KIF4A: variants seen among roughly 807,000 people sequenced by gnomAD.
KIF4A encodes kinesin family member 4A.
Under a neutral mutation model 105.9 loss-of-function variants are expected in KIF4A, and 7 were observed. The observed-to-expected ratio is 0.07, with a 90% CI of 0.04 to 0.12. The LOEUF is 0.12. KIF4A is among the 10% of genes least tolerant of loss of function. The pLI is 1.00. For missense variants in KIF4A, 558 were observed against 929.2 expected, an observed-to-expected ratio of 0.60 and a Z score of 5.19; for synonymous variants, 281 against 331.3, an observed-to-expected ratio of 0.85 and a Z score of 1.65.
Position 70,406,939 on chromosome X carries a change from A to G in KIF4A, c.3119A>G (p.Asp1040Gly). Residue 1040 changes from aspartate (D) to glycine (G), a missense_variant, in exon 28 of 31, where the codon GAC becomes GGC. Physicochemically the swap from Asp to Gly is moderately conservative, Grantham distance 94. This residue lies in a region of KIF4A where 469 missense variants were observed against 680.4 expected (regional missense o/e 0.69). Transcript: ENST00000374403. ...GAAAAGTTCCTGGAGCAAAGCATGG[A>G]CATCGAGGATCTAAAATATTGTTCA... ...VKEKFLEQSM[D>G]IEDLKYCSEH... The G allele has an allele frequency of 8.3e-7, 1 of 1,211,890 alleles. No homozygotes were observed. Among genetic ancestry groups the G allele is most frequent in the Non-Finnish European group, 1.1e-6 (1 of 895,586 alleles).
At chrX:70,339,235 A>G in intron 10 of KIF4A, among the ~76,000 whole-genome samples, 1 of 111,282 alleles carries the variant, frequency 9.0e-6, no homozygotes, top group Non-Finnish European at 1.9e-5. Context: ...TCAATTATTC[A>G]TTTTTTTCTG....
chrX:70,375,874 C>T (rs1287729970), intron 17 of KIF4A, among the ~76,000 whole-genome samples: 2 of 111,580 alleles, frequency 1.8e-5, no homozygotes, highest in Non-Finnish European at 3.8e-5. Context: ...CTTGTAGGTA[C>T]ATTTTTATTT....
chrX:70,402,427 A>G, intron 22 of KIF4A, 139 bp from the exon 23 acceptor site: 1 of 740,138 alleles, frequency 1.4e-6, no homozygotes, highest in Non-Finnish European at 1.9e-6. Flanking sequence ...AATCCTAACC[A>G]GATGACTTAA....
chrX:70,375,177 C>T (rs1200710286), intron 16 of KIF4A, 27 bp from the exon 17 acceptor site: 1 of 1,204,897 alleles, frequency 8.3e-7, no homozygotes, highest in Admixed American at 2.2e-5. Flanking sequence ...TGCTGGTAGT[C>T]CTCACTTCTA....
rs759945460 is a variant in KIF4A, at chrX:70,405,853, A to G, written c.2924A>G (p.Glu975Gly). 2.5e-6 allele frequency: 3 copies of G among 1,208,686 alleles called. No homozygotes were observed. Among genetic ancestry groups the G allele is most frequent in the Non-Finnish European group, 3.4e-6 (3 of 892,997 alleles). ...GATGAAGAACTTGAGAAAATGCGAG[A>G]AGTGTGTGAGCAAAATCAGCAGCTT... is the stretch of plus-strand genomic sequence containing the variant. ...CQDEELEKMREVCEQNQQLLR... is the reference protein window; with the variant it reads ...CQDEELEKMRGVCEQNQQLLR... Residue 975 changes from glutamate (E) to glycine (G), a missense_variant, in exon 26 of 31, where the codon GAA becomes GGA. Transcript: ENST00000374403.
intron 13 of KIF4A, among the ~76,000 whole-genome samples, chrX:70,344,586 A>G (rs2085984738): frequency 9.0e-6 from 1 of 110,820 alleles, no homozygotes; most frequent in African/African-American, 3.3e-5. Context: ...CTTAGTCCTT[A>G]GGCATATATG....
intron 18 of KIF4A, among the ~76,000 whole-genome samples, chrX:70,384,015 C>T (rs746904351): frequency 8.9e-6 from 1 of 111,889 alleles, no homozygotes; most frequent in South Asian, 3.7e-4. Flanking sequence ...GCCATTGAAT[C>T]ATGTACTTTA....
Position 70,419,787 on chromosome X carries a change from G to C in KIF4A, c.3495+4G>C. 1 of 1,211,249 alleles carries C rather than the reference G, an allele frequency of 8.3e-7. No individual in the cohort carries two copies. Among genetic ancestry groups the C allele is most frequent in the South Asian group, 1.8e-5 (1 of 56,936 alleles). On this transcript the variant is annotated splice_donor_region_variant and intron_variant, in intron 30 of 30. Coordinates refer to ENST00000374403, the MANE Select transcript of KIF4A (RefSeq NM_012310.5). ...CTGTGCCACCCCCAATAGCAAGGTA[G>C]GTGGGCTAAAAGGCAGGCATTGGAA...
rs759415773 is a variant in KIF4A at position 70,301,559 on chromosome X, A to G, written c.517-341A>G. On this transcript the variant is annotated intron_variant, in intron 5 of 30. Coordinates refer to ENST00000374403, the MANE Select transcript of KIF4A (RefSeq NM_012310.5). Reference sequence around the variant, plus strand: ...GGTGAAAGTAACAAAGAGAAATGCCATCGCTGTTTGTGTTGTACTTGCTCT... The same window carrying G: ...GGTGAAAGTAACAAAGAGAAATGCCGTCGCTGTTTGTGTTGTACTTGCTCT... Among the ~76,000 whole-genome samples the G allele has an allele frequency of 3.6e-5, 4 of 111,796 alleles. No individual in the cohort carries two copies. The Admixed American group carries it at 3.8e-4, about 11-fold the overall frequency.
chrX:70,294,933 G>C (rs1175651372), intron 3 of KIF4A, among the ~76,000 whole-genome samples: 1 of 111,514 alleles, frequency 9.0e-6, no homozygotes, highest in Admixed American at 9.5e-5. Flanking sequence ...AATTAGCTGG[G>C]CATAGTGGCG....
In KIF4A at chrX:70,343,883, A is replaced by G. The variant is rs2085981613; in HGVS notation, c.1332A>G (p.Lys444=). 2 of 1,209,752 alleles carry G rather than the reference A, an allele frequency of 1.7e-6. No homozygotes were observed. Among genetic ancestry groups the G allele is most frequent in the Non-Finnish European group, 2.2e-6 (2 of 893,739 alleles). The change falls in exon 13 of 31, where the codon AAA becomes AAG. Residue 444 remains lysine, a synonymous_variant. Coordinates refer to ENST00000374403, the MANE Select transcript of KIF4A (RefSeq NM_012310.5). ...TTTTTGTTTGAATTTTCAGCTGCAA[A>G]CTGGATCTTCAAAAGCTAGTGGAGA... The part of the protein sequence containing the change: ...LEELRQHAAC[K]LDLQKLVETL...
At position 70,420,416 on chromosome X, in the gene KIF4A, T is replaced by C. The variant is rs770148584; in HGVS notation, c.*151T>C. On this transcript the variant is annotated 3_prime_UTR_variant, in exon 31 of 31. Transcript: ENST00000374403. ...GTTACTGAAAAGAAGGTAACCTTTG[T>C]TGGATGTGGGCCTTAGCCTCCAGGT... 49 of 820,973 alleles carry C rather than the reference T, an allele frequency of 6.0e-5. No homozygotes were observed. The highest frequency in any genetic ancestry group is 8.1e-5 in the Non-Finnish European group (48 of 593,802). The allele number at this position is 820,973 out of a possible 1,213,427, so 67.7% of individuals were successfully genotyped here. A position where few individuals can be genotyped will look rare whatever the true frequency, so the allele number is the denominator to read the frequency against.
At position 70,302,194 on chromosome X, in the gene KIF4A, G is replaced by T. The variant is rs1193477257; in HGVS notation, c.684-110G>T. ...ATTGTGAGCACGAGTGACTAATGGA[G>T]CCATTTTGACTGACTTGAAAGAAAA... On this transcript the variant is annotated intron_variant, in intron 6 of 30. Coordinates refer to ENST00000374403, the MANE Select transcript of KIF4A (RefSeq NM_012310.5). The T allele has an allele frequency of 6.5e-6, 7 of 1,080,279 alleles. No homozygotes were observed. In the East Asian group the frequency reaches 2.2e-4, roughly 34 times the overall value. The allele number at this position is 1,080,279 out of a possible 1,213,427, so 89.0% of individuals were successfully genotyped here.
chrX:70,330,279 C>T lies in KIF4A; in HGVS notation c.1018C>T (p.Pro340Ser). 8.3e-7 allele frequency: 1 copy of T among 1,210,958 alleles called. No individual in the cohort carries two copies. The highest frequency in any genetic ancestry group is 1.1e-6 in the Non-Finnish European group (1 of 894,903). The change falls in exon 9 of 31, where the codon CCT becomes TCT. Residue 340 changes from proline to serine, a missense_variant. Around this residue, in one of 2 missense-constraint regions of KIF4A, gnomAD observed 469 missense variants for 680.4 expected, o/e 0.69. Coordinates refer to ENST00000374403, the MANE Select transcript of KIF4A (RefSeq NM_012310.5). ...ADRARKIKNKPIVNIDPQTAE... is the reference protein window; with the variant it reads ...ADRARKIKNKSIVNIDPQTAE... ...CAGAGCAAGAAAAATCAAGAACAAA[C>T]CTATTGTTAATATTGATCCCCAGAC... is the stretch of plus-strand genomic sequence containing the variant.
intron 5 of KIF4A, among the ~76,000 whole-genome samples, chrX:70,300,403 C>G (rs1223137444): frequency 9.0e-6 from 1 of 111,554 alleles, no homozygotes; most frequent in Non-Finnish European, 1.9e-5. Flanking sequence ...ATTTGCAATA[C>G]AGAGAAGTAT....
rs753630168 is a variant in KIF4A, at chrX:70,404,718, C to T, written c.2794C>T (p.Leu932=). The part of the protein sequence containing the change: ...RMEQQHQEKV[L]YLLSQLQQSQ... ...ATTGGATCGTGTCTTTCTCTAGGTG[C>T]TGTACCTTCTCAGCCAGCTGCAGCA... Residue 932 remains leucine (L), a synonymous_variant, in exon 25 of 31, where the codon CTG becomes TTG. Transcript: ENST00000374403. The T allele has an allele frequency of 4.2e-6, 5 of 1,198,525 alleles. No individual in the cohort carries two copies. The Admixed American group carries it at 1.1e-4, about 27-fold the overall frequency.
Position 70,375,097 on chromosome X carries a change from A to G in KIF4A, c.1779-107A>G, listed in dbSNP as rs2086169557. ...TTTTAAGATGGCTATGTGACTAGTC[A>G]CCTATTTTATATATGTCAGTGTTGT... On this transcript the variant is annotated intron_variant, in intron 16 of 30. Transcript: ENST00000374403. 1.8e-5 allele frequency: 16 copies of G among 876,858 alleles called. No homozygotes were observed. In the South Asian group the frequency reaches 4.3e-4, roughly 24 times the overall value. The allele number at this position is 876,858 out of a possible 1,213,427, so 72.3% of individuals were successfully genotyped here. A position where few individuals can be genotyped will look rare whatever the true frequency, so the allele number is the denominator to read the frequency against.
At chrX:70,319,531 AT>A (rs1260007797) in intron 7 of KIF4A, among the ~76,000 whole-genome samples, 2 of 111,820 alleles carry the variant, frequency 1.8e-5, no homozygotes, top group Non-Finnish European at 3.8e-5. Flanking sequence ...AAGTGCCCAA[AT>A]ATCCCTTAGT....
intron 18 of KIF4A, among the ~76,000 whole-genome samples, chrX:70,380,773 AAAATCCTAGAGAATCCACT>A (rs1289155975): frequency 8.9e-6 from 1 of 112,308 alleles, no homozygotes; most frequent in Non-Finnish European, 1.9e-5. Context: ...TTGTATATAG[AAAATCCTAGAGAATCCACT>A]AAAAGTCTAT....
Sources: allele counts gnomAD v4.1 joint callset (sites outside exome capture counted in the v4.1 genomes callset), GRCh38; gene constraint gnomAD v4.1.1; regional missense constraint gnomAD v4.1.1; transcripts MANE v1.5; gene names NCBI Gene and HGNC (gene_info 2026-07-23, HGNC 2026-07-21).